Variants in VWF observed in about 807,000 individuals in gnomAD.
VWF encodes Factor VIII related antigen.
Under a neutral mutation model 308.6 loss-of-function variants are expected in VWF, and 176 were observed. That is an observed-to-expected ratio of 0.57 (90% CI 0.50 to 0.65). VWF has a LOEUF of 0.65. Among genes scored for constraint, VWF ranks in the 30% least tolerant of loss-of-function variants. The pLI is 0.00. For missense variants in VWF, 3,146 were observed against 3,648.2 expected, an observed-to-expected ratio of 0.86 and a Z score of 3.55; for synonymous variants, 1,385 against 1,443.4, an observed-to-expected ratio of 0.96 and a Z score of 0.92.
intron 34 of VWF, among the ~76,000 whole-genome samples, chr12:6,007,160 G>T (rs1265122848): frequency 6.6e-6 from 1 of 152,050 alleles, no homozygotes; most frequent in Non-Finnish European, 1.5e-5. Context: ...TTCAATAATG[G>T]ATAAAAAATC....
At chr12:5,989,183 A>G (rs1484631711) in intron 38 of VWF, among the ~76,000 whole-genome samples, 1 of 152,242 alleles carries the variant, frequency 6.6e-6, no homozygotes. Flanking sequence ...CAGCCTGTGC[A>G]GGCTCTTGGT....
intron 10 of VWF, among the ~76,000 whole-genome samples, chr12:6,067,437 G>A (rs941703921): frequency 6.6e-5 from 10 of 152,276 alleles, no homozygotes; most frequent in Middle Eastern, 3.4e-3. Context: ...GCAAATATTC[G>A]AAAGGAAAAC....
At chr12:5,958,030 A>G (rs1258757475) in intron 47 of VWF, among the ~76,000 whole-genome samples, 3 of 152,308 alleles carry the variant, frequency 2.0e-5, no homozygotes, top group East Asian at 1.9e-4. Flanking sequence ...GTGTACTGTG[A>G]TAAGTCTAGA....
chr12:5,954,492 CA>C (rs1943226312), intron 47 of VWF, among the ~76,000 whole-genome samples: 1 of 152,162 alleles, frequency 6.6e-6, no homozygotes, highest in African/African-American at 2.4e-5. Flanking sequence ...TGGCTTTTCC[CA>C]TGAGGGCCGT....
Position 5,967,474 on chromosome 12 carries a change from A to G in VWF, c.7887+12T>C, listed in dbSNP as rs55687637. On this transcript the variant is annotated intron_variant, in intron 47 of 51. Transcript: ENST00000261405. ...CAGTCCATGCCCTCGGTCCCCATTG[A>G]GCCTCTCTTACCAGGGGGCAGGGGT... is the stretch of plus-strand genomic sequence containing the variant. 0.01 allele frequency: 16,248 copies of G among 1,613,368 alleles called. 97 individuals carry two copies. The highest frequency in any genetic ancestry group is 0.013 in the Middle Eastern group (76 of 6,056).
At chr12:6,121,404 C>T (rs1311760203) in intron 2 of VWF, 66 bp from the exon 3 acceptor site, 2 of 1,575,084 alleles carry the variant, frequency 1.3e-6, no homozygotes, top group African/African-American at 2.7e-5. Context: ...CAGCTCAAAC[C>T]TCTCTGGCCT....
Position 6,044,392 on chromosome 12 carries a change from G to A in VWF, c.2341C>T (p.Leu781=), listed in dbSNP as rs189056533. ...GTACACTCGAGCCCTTCAGCCCGCA[G>A]GTTGTCAGCGGGACACACCAGCTTG... ...MVKLVCPADN[L]RAEGLECTKT... is the part of the protein sequence containing the mutation. Residue 781 remains leucine, a synonymous_variant, in exon 18 of 52, where the codon CTG becomes TTG. Coordinates refer to ENST00000261405, the MANE Select transcript of VWF (RefSeq NM_000552.5). The A allele has an allele frequency of 8.1e-6, 13 of 1,614,240 alleles. No homozygotes were observed. The Admixed American group carries it at 1.8e-4, about 23-fold the overall frequency.
intron 18 of VWF, among the ~76,000 whole-genome samples, chr12:6,042,673 T>C (rs1030797249): frequency 1.5e-4 from 23 of 152,332 alleles, no homozygotes; most frequent in Middle Eastern, 3.4e-3. Context: ...TCAGAATGCA[T>C]GCCCAGTGCT....
intron 11 of VWF, among the ~76,000 whole-genome samples, chr12:6,064,859 A>G (rs1240950193): frequency 1.3e-5 from 2 of 152,156 alleles, no homozygotes; most frequent in East Asian, 3.9e-4. Flanking sequence ...TATGGGGGCA[A>G]CAGGCTAGAC....
chr12:5,968,669 G>C (rs1385823045), intron 45 of VWF, among the ~76,000 whole-genome samples: 1 of 152,094 alleles, frequency 6.6e-6, no homozygotes, highest in East Asian at 1.9e-4. Context: ...GGTGGCGCAC[G>C]CCTGTAATCC....
At chr12:6,068,916 A>T (rs2136467025) in intron 10 of VWF, among the ~76,000 whole-genome samples, 1 of 139,332 alleles carries the variant, frequency 7.2e-6, no homozygotes, top group East Asian at 2.1e-4. Context: ...GAGTGCAGTG[A>T]TGCCATCACA....
At chr12:6,108,945 C>T (rs1945273529) in intron 5 of VWF, among the ~76,000 whole-genome samples, 1 of 146,858 alleles carries the variant, frequency 6.8e-6, no homozygotes, top group Admixed American at 6.9e-5. Context: ...CGCGCCACTG[C>T]ACTCCAGCCT....
Position 5,967,600 on chromosome 12 carries a change from G to A in VWF, c.7773C>T (p.Pro2591=), listed in dbSNP as rs375117638. 96 of 1,613,366 alleles carry A rather than the reference G, an allele frequency of 6.0e-5. No homozygotes were observed. Among genetic ancestry groups the A allele is most frequent in the Admixed American group, 2.5e-4 (15 of 60,010 alleles). ...ACACATCGATCATCACAGTCTTCCCGGGCTGGAAGCAGAGGCACCAGGGTC... is the reference window on the plus strand; with the variant it reads ...ACACATCGATCATCACAGTCTTCCCAGGCTGGAAGCAGAGGCACCAGGGTC... The part of the protein sequence containing the change: ...ACMLNGTVIG[P]GKTVMIDVCT... The change falls in exon 47 of 52, where the codon CCC becomes CCT. Residue 2591 remains proline, a splice_region_variant and synonymous_variant. Transcript: ENST00000261405.
chr12:6,104,324 G>A (rs1945215778), intron 5 of VWF, among the ~76,000 whole-genome samples: 2 of 151,980 alleles, frequency 1.3e-5, no homozygotes, highest in African/African-American at 4.8e-5. Flanking sequence ...CACACTGTTG[G>A]TGGGAATGTA....
In VWF at chr12:5,969,233, C is replaced by A. The variant is rs143235468; in HGVS notation, c.7707G>T (p.Ala2569=). 1.2e-6 allele frequency: 2 copies of A among 1,613,760 alleles called. No homozygotes were observed. The highest frequency in any genetic ancestry group is 1.3e-5 in the African/African-American group (1 of 74,936). The part of the protein sequence containing the change: ...SGFQLSCKTS[A]CCPSCRCERM... ...TACCACAGCGACAGCTTGGGCAGCA[C>A]GCTGAGGTCTTACAGCTCAGCTGAA... Residue 2569 remains alanine (A), a synonymous_variant, in exon 45 of 52, where the codon GCG becomes GCT. Transcript: ENST00000261405.
At chr12:6,104,713 T>C (rs1291559198) in intron 5 of VWF, among the ~76,000 whole-genome samples, 1 of 151,402 alleles carries the variant, frequency 6.6e-6, no homozygotes, top group East Asian at 1.9e-4. Context: ...AAAAAAAATA[T>C]ATAGGACTAC....
intron 10 of VWF, among the ~76,000 whole-genome samples, chr12:6,070,959 T>C (rs1216028708): frequency 1.3e-5 from 2 of 152,240 alleles, no homozygotes; most frequent in East Asian, 3.8e-4. Context: ...TTCCAAAGAA[T>C]GTGTATCCTC....
In VWF at chr12:6,057,922, G is replaced by A; in HGVS notation, c.1656C>T (p.Ala552=). The change falls in exon 14 of 52, where the codon GCC becomes GCT. Residue 552 remains alanine, a synonymous_variant. Coordinates refer to ENST00000261405, the MANE Select transcript of VWF (RefSeq NM_000552.5). ...CCTGGCAGTCCCCGTGCAGCTTCCA[G>A]GCGTTCCCGAAGTCCTCCACCCGGG... ...AEPRVEDFGN[A]WKLHGDCQDL... The A allele has an allele frequency of 6.2e-7, 1 of 1,613,678 alleles. No homozygotes were observed. Among genetic ancestry groups the A allele is most frequent in the Non-Finnish European group, 8.5e-7 (1 of 1,179,988 alleles).
At chr12:5,970,714 G>T (rs2238112) in intron 44 of VWF, among the ~76,000 whole-genome samples, 4,885 of 152,260 alleles carry the variant, frequency 0.032, 286 homozygotes, top group East Asian at 0.28. Context: ...GGTAGGAGAT[G>T]GGAAAGGCTC....
Sources: allele counts gnomAD v4.1 joint callset (sites outside exome capture counted in the v4.1 genomes callset), GRCh38; gene constraint gnomAD v4.1.1; transcripts MANE v1.5; gene names NCBI Gene and HGNC (gene_info 2026-07-23, HGNC 2026-07-21).